ASIC2: variants seen among roughly 807,000 people sequenced by gnomAD.
The protein encoded by ASIC2 is acid sensing ion channel subunit 2, also known as acid-sensing ion channel 2.
Under a neutral mutation model 57.3 loss-of-function variants are expected in ASIC2, and 25 were observed. The observed-to-expected ratio is 0.44, with a 90% CI of 0.32 to 0.61. The LOEUF (loss-of-function observed/expected upper bound fraction) is 0.61, where lower values mean the gene tolerates loss of function less well. Among genes scored for constraint, ASIC2 ranks in the 20% least tolerant of loss-of-function variants. The pLI is 0.06. For missense variants in ASIC2, 641 were observed against 738.1 expected (o/e 0.87, Z 1.52); for synonymous variants, 319 against 307.5 (o/e 1.04, Z -0.39).
At chr17:33,074,989 C>A (rs1480191850) in intron 3 of ASIC2, among the ~76,000 whole-genome samples, 1 of 152,158 alleles carries the variant, frequency 6.6e-6, no homozygotes, top group African/African-American at 2.4e-5. Flanking sequence ...CCTTGAAAGT[C>A]TTCCGCAGAG....
chr17:33,080,648 A>G (rs1376478794), intron 3 of ASIC2, among the ~76,000 whole-genome samples: 1 of 152,236 alleles, frequency 6.6e-6, no homozygotes, highest in Non-Finnish European at 1.5e-5. Flanking sequence ...CAGAACAATT[A>G]TAACAATATG....
chr17:33,296,016 C>T (rs1905705577), upstream of ASIC2, among the ~76,000 whole-genome samples: 1 of 152,044 alleles, frequency 6.6e-6, no homozygotes, highest in East Asian at 1.9e-4. Flanking sequence ...ATCCTTGGTG[C>T]ATGCACAGGA....
intron 1 of ASIC2, among the ~76,000 whole-genome samples, chr17:33,817,672 C>A (rs986100747): frequency 1.3e-5 from 2 of 151,858 alleles, no homozygotes; most frequent in African/African-American, 4.8e-5. Flanking sequence ...TACAATAAAC[C>A]CACCCAAAAC....
At chr17:33,058,879 G>A (rs1366273278) in intron 3 of ASIC2, among the ~76,000 whole-genome samples, 2 of 152,052 alleles carry the variant, frequency 1.3e-5, no homozygotes, top group Non-Finnish European at 2.9e-5. Flanking sequence ...AACAGATAAA[G>A]CAATTCAAGT....
intron 1 of ASIC2, among the ~76,000 whole-genome samples, chr17:33,969,972 C>T (rs952662786): frequency 6.6e-6 from 1 of 152,174 alleles, no homozygotes; most frequent in Non-Finnish European, 1.5e-5. Flanking sequence ...TCCAAGCTGT[C>T]TTACACCACA....
chr17:33,594,353 G>T (rs980900638), intron 1 of ASIC2, among the ~76,000 whole-genome samples: 5 of 152,230 alleles, frequency 3.3e-5, no homozygotes, highest in African/African-American at 1.2e-4. Flanking sequence ...GGCTGGATCA[G>T]GTGCAAGTCT....
At chr17:33,299,910 G>T (rs1195084746) in intron 1 of ASIC2, among the ~76,000 whole-genome samples, 1 of 152,186 alleles carries the variant, frequency 6.6e-6, no homozygotes, top group African/African-American at 2.4e-5. Flanking sequence ...GGAAGTCAAG[G>T]TCCAGAGTTG....
At chr17:33,093,428 AAGAG>A (rs58579661) in intron 2 of ASIC2, among the ~76,000 whole-genome samples, 72 of 149,090 alleles carry the variant, frequency 4.8e-4, no homozygotes, top group South Asian at 1.7e-3. Context: ...CAAGGACAGA[AAGAG>A]AGAGAGAGAG....
intron 1 of ASIC2, among the ~76,000 whole-genome samples, chr17:33,922,141 G>A (rs1488149852): frequency 6.6e-6 from 1 of 152,140 alleles, no homozygotes; most frequent in African/African-American, 2.4e-5. Context: ...ACACTTTGCT[G>A]ACTTCTCCAG....
In ASIC2 at chr17:33,751,334, T is replaced by A. The variant is rs528103925; in HGVS notation, c.555+404644A>T. On this transcript the variant is annotated intron_variant, in intron 1 of 9. Coordinates refer to the ASIC2 transcript ENST00000359872. Reference sequence around the variant, plus strand: ...GCCATCTAGTGGCACTGCCAGGAATTGTTCTGGGAAAGTCAGAAAAACAAA... The same window carrying A: ...GCCATCTAGTGGCACTGCCAGGAATAGTTCTGGGAAAGTCAGAAAAACAAA... Among the ~76,000 whole-genome samples, 8 of 152,328 alleles carry A rather than the reference T, an allele frequency of 5.3e-5. No individual in the cohort carries two copies. In the East Asian group the frequency reaches 1.5e-3, roughly 29 times the overall value.
intron 1 of ASIC2, among the ~76,000 whole-genome samples, chr17:33,865,759 T>TAAAAAAAAAAA (rs61218521): frequency 1.8e-4 from 22 of 122,014 alleles, no homozygotes; most frequent in East Asian, 4.8e-4. Flanking sequence ...AAAAAAAAAA[T>TAAAAAAAAAAA]AAAAAAAAAA....
chr17:34,084,140 G>A (rs1350413016), intron 1 of ASIC2, among the ~76,000 whole-genome samples: 2 of 151,812 alleles, frequency 1.3e-5, no homozygotes, highest in East Asian at 1.9e-4. Context: ...TTCTTCTAGG[G>A]TTTTTATGGT....
At chr17:33,742,532 C>T in intron 1 of ASIC2, among the ~76,000 whole-genome samples, 1 of 152,152 alleles carries the variant, frequency 6.6e-6, no homozygotes, top group East Asian at 1.9e-4. Context: ...TTAGTGTCTT[C>T]TATAATGTGG....
Position 33,028,264 on chromosome 17 carries a change from G to A in ASIC2, c.1116C>T (p.Asn372=), listed in dbSNP as rs1731274146. Reference sequence around the variant, plus strand: ...GACCTGGCATGTGAACCATGCGGCAGTTGCAGTTTTCCACAATGTAGCGGG... The same window carrying A: ...GACCTGGCATGTGAACCATGCGGCAATTGCAGTTTTCCACAATGTAGCGGG... ...CETRYIVENC[N]CRMVHMPGDA... Residue 372 remains asparagine (N), a synonymous_variant, in exon 4 of 10, where the codon AAC becomes AAT. Transcript: ENST00000225823. The A allele has an allele frequency of 1.2e-6, 2 of 1,614,032 alleles. No homozygotes were observed. The highest frequency in any genetic ancestry group is 1.3e-5 in the African/African-American group (1 of 74,924).
At chr17:33,901,211 C>T (rs1195796042) in intron 1 of ASIC2, among the ~76,000 whole-genome samples, 1 of 152,190 alleles carries the variant, frequency 6.6e-6, no homozygotes, top group African/African-American at 2.4e-5. Flanking sequence ...GCCTCTGGCT[C>T]ATCCATGCCT....
chr17:34,038,093 A>G lies in ASIC2; in HGVS notation c.555+117885T>C, dbSNP rs1313348243. 3.7e-6 allele frequency: 6 copies of G among 1,613,210 alleles called. No homozygotes were observed. In the African/African-American group the frequency reaches 8.0e-5, roughly 22 times the overall value. ...GCTATCATCATCCATGATCTTCGAA[A>G]GACCAAAATCTGTAATTTTTATCTC... On this transcript the variant is annotated intron_variant, in intron 1 of 9. Transcript: ENST00000359872.
At position 33,013,716 on chromosome 17, in the gene ASIC2, G is replaced by T; in HGVS notation, c.*249C>A. 1.9e-6 allele frequency: 1 copy of T among 522,354 alleles called. No homozygotes were observed. Among genetic ancestry groups the T allele is most frequent in the Non-Finnish European group, 3.4e-6 (1 of 290,388 alleles). The allele number at this position is 522,354 out of a possible 1,614,324, so 32.4% of individuals were successfully genotyped here. On this transcript the variant is annotated 3_prime_UTR_variant, in exon 10 of 10. Transcript: ENST00000225823. ...ATACATCTGGCAGTGAGATGTGATGGCAGGTTCGTTCTTGGACAGTTCCAG... is the reference window on the plus strand; with the variant it reads ...ATACATCTGGCAGTGAGATGTGATGTCAGGTTCGTTCTTGGACAGTTCCAG...
intron 1 of ASIC2, among the ~76,000 whole-genome samples, chr17:33,642,621 T>C (rs932054860): frequency 2.6e-5 from 4 of 152,226 alleles, no homozygotes; most frequent in African/African-American, 9.6e-5. Flanking sequence ...CCTTCTATCC[T>C]GTCAGAAGTC....
chr17:33,909,900 G>A (rs900712145), intron 1 of ASIC2, among the ~76,000 whole-genome samples: 1 of 152,120 alleles, frequency 6.6e-6, no homozygotes, highest in Admixed American at 6.5e-5. Flanking sequence ...TGGCTCTGGG[G>A]CCTGGCTGCT....
Sources: gnomAD v4.1 joint callset for allele counts (sites outside exome capture counted in the v4.1 genomes callset) on GRCh38, gnomAD v4.1.1 for gene constraint, MANE v1.5 for transcripts, NCBI Gene and HGNC (gene_info 2026-07-23, HGNC 2026-07-21) for gene names.